Variants in RIMS1 observed in about 807,000 individuals in gnomAD.
RIMS1 encodes regulating synaptic membrane exocytosis 1, also known as regulating synaptic membrane exocytosis protein 1.
In RIMS1, 83 loss-of-function variants were observed where a neutral mutation model predicts 214.1. The ratio of observed to expected loss-of-function variants is 0.39; its 90% CI spans 0.32 to 0.47. RIMS1 has a LOEUF of 0.47. Among genes scored for constraint, RIMS1 ranks in the 20% least tolerant of loss-of-function variants. The pLI, the probability that RIMS1 is intolerant of heterozygous loss-of-function variation, is 0.99. For missense variants in RIMS1, 2,050 were observed against 2,161.8 expected (o/e 0.95, Z 1.03); for synonymous variants, 793 against 786.8 (o/e 1.01, Z -0.13).
At chr6:72,121,099 T>C (rs1193728506) in intron 4 of RIMS1, among the ~76,000 whole-genome samples, 1 of 151,946 alleles carries the variant, frequency 6.6e-6, no homozygotes. Context: ...TGCCACCAGC[T>C]TTGTTCTTTT....
intron 29 of RIMS1, among the ~76,000 whole-genome samples, chr6:72,334,156 G>A (rs112965426): frequency 6.6e-6 from 1 of 151,736 alleles, no homozygotes; most frequent in African/African-American, 2.4e-5. Flanking sequence ...AAGCAACAGG[G>A]TTCTCTTTTT....
At chr6:71,998,516 T>C (rs1163959707) in intron 2 of RIMS1, among the ~76,000 whole-genome samples, 6 of 152,206 alleles carry the variant, frequency 3.9e-5, no homozygotes, top group African/African-American at 7.2e-5. Context: ...CAGGGAACTT[T>C]AATCTCTTTC....
chr6:72,003,860 TC>T (rs1202931344), intron 2 of RIMS1, among the ~76,000 whole-genome samples: 6 of 151,756 alleles, frequency 4.0e-5, no homozygotes, highest in African/African-American at 1.5e-4. Context: ...TTTTCGATTT[TC>T]CTTTCTTTTT....
chr6:72,220,687 C>T (rs2058092028), intron 6 of RIMS1, among the ~76,000 whole-genome samples: 1 of 152,034 alleles, frequency 6.6e-6, no homozygotes, highest in Admixed American at 6.6e-5. Context: ...CTTAAATCTC[C>T]AAAAGATAAA....
Position 72,333,336 on chromosome 6 carries a change from T to C in RIMS1, c.4131-264T>C, listed in dbSNP as rs569745501. 2.6e-5 allele frequency among the ~76,000 whole-genome samples: 4 copies of C among 152,030 alleles called. No homozygotes were observed. The East Asian group carries it at 5.8e-4, about 22-fold the overall frequency. On this transcript the variant is annotated intron_variant, in intron 28 of 33. Transcript: ENST00000521978. ...AACATTCATCTCCCCATGCATGGCA[T>C]TTGTTGCACTTATTTTTACAATCTT...
At chr6:72,325,436 C>A (rs1304631818) in intron 28 of RIMS1, among the ~76,000 whole-genome samples, 1 of 150,704 alleles carries the variant, frequency 6.6e-6, no homozygotes, top group Non-Finnish European at 1.5e-5. Context: ...ACTAAAAGAA[C>A]CTAGAAGTCT....
intron 2 of RIMS1, among the ~76,000 whole-genome samples, chr6:72,046,693 C>A (rs1445315540): frequency 1.3e-5 from 2 of 151,952 alleles, no homozygotes; most frequent in African/African-American, 2.4e-5. Flanking sequence ...TTTTAAAATT[C>A]ATTTTTGAAA....
chr6:72,011,041 A>G (rs1416996963), intron 2 of RIMS1, among the ~76,000 whole-genome samples: 1 of 150,422 alleles, frequency 6.6e-6, no homozygotes, highest in Non-Finnish European at 1.5e-5. Flanking sequence ...AGCCAAAAGA[A>G]CAAAGCTGGA....
intron 5 of RIMS1, 74 bp downstream of exon 5, chr6:72,179,989 C>T (rs1367663073): frequency 9.5e-7 from 1 of 1,047,866 alleles, no homozygotes. Flanking sequence ...AAGAATTTAA[C>T]TTCTATTACG....
intron 29 of RIMS1, among the ~76,000 whole-genome samples, chr6:72,335,599 T>G (rs1034221642): frequency 2.6e-5 from 4 of 151,994 alleles, no homozygotes; most frequent in Non-Finnish European, 5.9e-5. Context: ...GTAATGGGAT[T>G]GCTGGGTCAA....
chr6:72,056,032 A>G (rs1178383012), intron 2 of RIMS1, among the ~76,000 whole-genome samples: 7 of 152,154 alleles, frequency 4.6e-5, no homozygotes, highest in Admixed American at 4.6e-4. Context: ...TCAATAGTAG[A>G]CTGGATAAAG....
At chr6:72,133,034 G>C (rs2040700249) in intron 4 of RIMS1, among the ~76,000 whole-genome samples, 1 of 152,066 alleles carries the variant, frequency 6.6e-6, no homozygotes, top group South Asian at 2.1e-4. Flanking sequence ...AATTGCTCCA[G>C]GCCATGCTTG....
At chr6:72,001,408 T>C (rs1256355725) in intron 2 of RIMS1, among the ~76,000 whole-genome samples, 1 of 152,202 alleles carries the variant, frequency 6.6e-6, no homozygotes, top group Admixed American at 6.6e-5. Flanking sequence ...GGCATTTTGT[T>C]CTCTATGATC....
intron 28 of RIMS1, chr6:72,316,918 C>G (rs906163951): frequency 4.7e-5 from 34 of 729,978 alleles, no homozygotes; most frequent in South Asian, 4.6e-4. Context: ...CACCCAAGAA[C>G]TGAGGTGTCC....
intron 2 of RIMS1, among the ~76,000 whole-genome samples, chr6:71,974,415 C>A (rs1562005613): frequency 6.6e-6 from 1 of 152,012 alleles, no homozygotes; most frequent in Non-Finnish European, 1.5e-5. Flanking sequence ...GCAACTCGTA[C>A]CTTGGCTTTG....
At chr6:72,024,909 T>TTG (rs1302288045) in intron 2 of RIMS1, among the ~76,000 whole-genome samples, 1 of 142,102 alleles carries the variant, frequency 7.0e-6, no homozygotes, top group Non-Finnish European at 1.5e-5. Flanking sequence ...GGTTTTTTTT[T>TTG]TTTTTTTTTT....
chr6:72,270,714 T>C (rs1220046423), intron 22 of RIMS1, among the ~76,000 whole-genome samples: 2 of 152,176 alleles, frequency 1.3e-5, no homozygotes. Context: ...CATCACTGCT[T>C]TACAAGTTTG....
chr6:72,169,519 A>T (rs1031224802), intron 4 of RIMS1, among the ~76,000 whole-genome samples: 3 of 148,094 alleles, frequency 2.0e-5, no homozygotes, highest in Non-Finnish European at 3.0e-5. Context: ...AGAAAAGAAA[A>T]TTGTCACTGA....
At chr6:72,356,477 G>C (rs2097648785) in intron 29 of RIMS1, among the ~76,000 whole-genome samples, 1 of 152,064 alleles carries the variant, frequency 6.6e-6, no homozygotes, top group African/African-American at 2.4e-5. Context: ...AATGAGATGT[G>C]TCCAGGCACG....
Sources: gnomAD v4.1 joint callset for allele counts (sites outside exome capture counted in the v4.1 genomes callset) on GRCh38, gnomAD v4.1.1 for gene constraint, MANE v1.5 for transcripts, NCBI Gene and HGNC (gene_info 2026-07-23, HGNC 2026-07-21) for gene names.